The following FAM217A variants were observed in gnomAD, a reference collection of about 807,000 sequenced individuals.
FAM217A encodes the protein protein FAM217A.
Under a neutral mutation model 18.5 loss-of-function variants are expected in FAM217A, and 13 were observed. That is an observed-to-expected ratio of 0.70 (90% CI 0.46 to 1.12). The LOEUF (loss-of-function observed/expected upper bound fraction) is 1.12, where lower values mean the gene tolerates loss of function less well. FAM217A is among the 50% of genes most tolerant of loss of function. The probability of loss-of-function intolerance (pLI) is 0.00; values close to 1 mark genes in which losing one functional copy is unlikely to be tolerated. For synonymous variants in FAM217A, 161 were observed against 202.8 expected (o/e 0.79, Z 1.75); for missense variants, 560 against 575.4 (o/e 0.97, Z 0.27).
Position 4,073,561 on chromosome 6 carries a change from G to A in FAM217A, c.160-54C>T, listed in dbSNP as rs187148956. On this transcript the variant is annotated intron_variant, in intron 4 of 6. Transcript: ENST00000274673. ...TAATATATCTCTGTTCCCTATTCTT[G>A]TTCTAACAATGTATAGTTCTTGTTC... 16 of 1,402,192 alleles carry A rather than the reference G, an allele frequency of 1.1e-5. No homozygotes were observed. In the East Asian group the frequency reaches 3.0e-4, roughly 26 times the overall value. 86.9% of individuals were successfully genotyped at this position (1,402,192 alleles called of 1,614,324 possible).
intron 2 of FAM217A, among the ~76,000 whole-genome samples, chr6:4,075,112 T>C (rs1769692202): frequency 6.6e-6 from 1 of 152,006 alleles, no homozygotes; most frequent in Non-Finnish European, 1.5e-5. Flanking sequence ...CAGGTCAGGA[T>C]CACCTGAGGT....
chr6:4,074,334 G>A, intron 4 of FAM217A, 109 bp downstream of exon 4: 1 of 872,666 alleles, frequency 1.1e-6, no homozygotes, highest in Middle Eastern at 3.6e-4. Flanking sequence ...GAACTCTACA[G>A]AAATGAAATT....
rs775948565 is a variant in FAM217A, at chr6:4,069,330, T to A, written c.893A>T (p.His298Leu). 6.2e-7 allele frequency: 1 copy of A among 1,614,164 alleles called. No individual in the cohort carries two copies. The highest frequency in any genetic ancestry group is 8.5e-7 in the Non-Finnish European group (1 of 1,180,016). ...TRLLELERLQ[H>L]MTIQKERPRL... ...TGGCCTCTCTTTTTGAATAGTCATA[T>A]GTTGTAATCGTTCTAGTTCCAGTAA... The change falls in exon 7 of 7, where the codon CAT becomes CTT. Residue 298 changes from histidine to leucine, a missense_variant. Coordinates refer to ENST00000274673, the MANE Select transcript of FAM217A (RefSeq NM_173563.3).
At chr6:4,084,750 T>C in exon 2 of FAM217A, 1 of 703,018 alleles carries the variant, frequency 1.4e-6, no homozygotes, top group Non-Finnish European at 2.6e-6. Flanking sequence ...AGCCAGCTGA[T>C]CTTGTCACAC....
Position 4,074,426 on chromosome 6 carries a change from C to G in FAM217A, c.159+17G>C, listed in dbSNP as rs1396870657. The G allele has an allele frequency of 1.3e-6, 2 of 1,568,528 alleles. No homozygotes were observed. Among genetic ancestry groups the G allele is most frequent in the Non-Finnish European group, 1.7e-6 (2 of 1,145,904 alleles). On this transcript the variant is annotated intron_variant, in intron 4 of 6. Coordinates refer to ENST00000274673, the MANE Select transcript of FAM217A (RefSeq NM_173563.3). ...GTATGTTTTATGAATACCTTAAAAC[C>G]AAACATTCATCCTTACCTTGTTAAT...
chr6:4,079,508 G>T (rs924119427), upstream of FAM217A: 1 of 751,262 alleles, frequency 1.3e-6, no homozygotes, highest in Admixed American at 3.4e-5. Context: ...GCCTCCTCGG[G>T]CTTCCTTGAC....
At position 4,069,211 on chromosome 6, in the gene FAM217A, A is replaced by G; in HGVS notation, c.1012T>C (p.Ser338Pro). 1 of 1,614,186 alleles carries G rather than the reference A, an allele frequency of 6.2e-7. No homozygotes were observed. Among genetic ancestry groups the G allele is most frequent in the Non-Finnish European group, 8.5e-7 (1 of 1,180,040 alleles). Residue 338 changes from serine to proline, a missense_variant, in exon 7 of 7, where the codon TCT (serine) becomes CCT (proline). Physicochemically the swap from Ser to Pro is moderately conservative, Grantham distance 74 (BLOSUM62 -1). Transcript: ENST00000274673. ...PKVRQPKLCD[S>P]LSLQIPCVDK... ...ACACAAGGTATCTGAAGACTCAAAG[A>G]GTCGCAAAGTTTTGGCTGTCTCACT...
At chr6:4,079,754 T>C, upstream of FAM217A, 1 of 858,220 alleles carries the variant, frequency 1.2e-6, no homozygotes. Flanking sequence ...GCTTGTACAA[T>C]ATATTAACAT....
upstream of FAM217A, among the ~76,000 whole-genome samples, chr6:4,082,598 T>C (rs1770372988): frequency 6.6e-6 from 1 of 152,218 alleles, no homozygotes; most frequent in African/African-American, 2.4e-5. Flanking sequence ...GAGTGGCCCA[T>C]ACCCAGAAGG....
rs1769228392 is a variant in FAM217A at position 4,069,218 on chromosome 6, A to G, written c.1005T>C (p.Leu335=). Residue 335 remains leucine, a synonymous_variant, in exon 7 of 7, where the codon CTT becomes CTC. Coordinates refer to ENST00000274673, the MANE Select transcript of FAM217A (RefSeq NM_173563.3). ...KATPKVRQPK[L]CDSLSLQIPC... ...GTATCTGAAGACTCAAAGAGTCGCAAAGTTTTGGCTGTCTCACTTTTGGTG... is the reference window on the plus strand; with the variant it reads ...GTATCTGAAGACTCAAAGAGTCGCAGAGTTTTGGCTGTCTCACTTTTGGTG... 2 of 1,614,206 alleles carry G rather than the reference A, an allele frequency of 1.2e-6. No individual in the cohort carries two copies. Among genetic ancestry groups the G allele is most frequent in the East Asian group, 2.2e-5 (1 of 44,884 alleles).
intron 2 of FAM217A, among the ~76,000 whole-genome samples, chr6:4,075,500 G>A (rs1256472318): frequency 6.6e-6 from 1 of 152,092 alleles, no homozygotes; most frequent in Non-Finnish European, 1.5e-5. Context: ...TCAAAAGAAA[G>A]CCAAAAATAA....
At chr6:4,073,082 T>A (rs949345214) in intron 6 of FAM217A, among the ~76,000 whole-genome samples, 193 bp downstream of exon 6, 1 of 152,238 alleles carries the variant, frequency 6.6e-6, no homozygotes, top group African/African-American at 2.4e-5. Flanking sequence ...TCTTGACTCC[T>A]ACCTATTCTA....
chr6:4,072,816 C>T (rs594662), intron 6 of FAM217A, among the ~76,000 whole-genome samples: 94,639 of 151,816 alleles, frequency 0.62, 31,454 homozygotes, highest in Middle Eastern at 0.87. Context: ...TATCCTGGCT[C>T]TCCCTTTCAT....
chr6:4,079,352 T>TCC (rs1430659031), upstream of FAM217A: 1 of 216,034 alleles, frequency 4.6e-6, no homozygotes, highest in Non-Finnish European at 9.4e-6. Flanking sequence ...CCGCCCGGCC[T>TCC]CCCCCGCGGG....
upstream of FAM217A, chr6:4,079,653 G>T: frequency 1.6e-6 from 2 of 1,285,076 alleles, no homozygotes; most frequent in Non-Finnish European, 2.0e-6. Context: ...CCCACCGCCT[G>T]CTCACATCAA....
At chr6:4,083,708 C>T (rs145983034), upstream of FAM217A, among the ~76,000 whole-genome samples, 1,003 of 152,084 alleles carry the variant, frequency 6.6e-3, 4 homozygotes, top group Non-Finnish European at 0.011. Flanking sequence ...CATGCCACCA[C>T]GCCTGGCTAA....
chr6:4,083,161 T>C (rs897009143), upstream of FAM217A, among the ~76,000 whole-genome samples: 33 of 152,218 alleles, frequency 2.2e-4, no homozygotes, highest in Admixed American at 6.5e-5. Context: ...CTTACGTTAA[T>C]TACAAGGGAG....
At chr6:4,086,786 G>A (rs750815668) in intron 1 of FAM217A, among the ~76,000 whole-genome samples, 3 of 152,134 alleles carry the variant, frequency 2.0e-5, no homozygotes, top group Non-Finnish European at 4.4e-5. Context: ...TTGCATTTTT[G>A]TTCCAAATCT....
upstream of FAM217A, chr6:4,079,751 C>A: frequency 1.1e-6 from 1 of 919,344 alleles, no homozygotes; most frequent in Non-Finnish European, 1.4e-6. Context: ...TATGCTTGTA[C>A]AATATATTAA....
Sources: allele counts gnomAD v4.1 joint callset (sites outside exome capture counted in the v4.1 genomes callset), GRCh38; gene constraint gnomAD v4.1.1; transcripts MANE v1.5; gene names NCBI Gene and HGNC (gene_info 2026-07-23, HGNC 2026-07-21).